The following PNPT1 variants were observed in gnomAD, a reference collection of about 807,000 sequenced individuals.
PNPT1 encodes polyribonucleotide nucleotidyltransferase 1, mitochondrial.
A neutral mutation model predicts 119.5 loss-of-function variants in PNPT1; 53 were observed. The ratio of observed to expected loss-of-function variants is 0.44; its 90% CI spans 0.36 to 0.56. The LOEUF (loss-of-function observed/expected upper bound fraction) is 0.56. PNPT1 is among the 20% of genes least tolerant of loss of function. PNPT1 has a pLI of 0.00. For synonymous variants in PNPT1, 357 were observed against 322.1 expected (o/e 1.11, Z -1.16); for missense variants, 948 against 938.5 (o/e 1.01, Z -0.13).
chr2:55,641,892 A>G (rs2104022893), intron 25 of PNPT1, among the ~76,000 whole-genome samples: 1 of 150,182 alleles, frequency 6.7e-6, no homozygotes, highest in Admixed American at 6.7e-5. Context: ...CCCAGGCTGG[A>G]GTGCAGTGGT....
At chr2:55,642,698 T>C (rs930510088) in intron 25 of PNPT1, among the ~76,000 whole-genome samples, 9 of 149,786 alleles carry the variant, frequency 6.0e-5, no homozygotes, top group Admixed American at 2.7e-4. Context: ...TAAAATGATA[T>C]AGAAAACAAA....
chr2:55,691,944 T>C (rs1351492609), intron 1 of PNPT1, among the ~76,000 whole-genome samples: 1 of 142,446 alleles, frequency 7.0e-6, no homozygotes, highest in African/African-American at 2.6e-5. Context: ...TGGAGTGCAA[T>C]GGCACGATCT....
At chr2:55,639,881 CT>C (rs1007564647) in intron 26 of PNPT1, among the ~76,000 whole-genome samples, 4 of 152,082 alleles carry the variant, frequency 2.6e-5, no homozygotes, top group African/African-American at 9.7e-5. Flanking sequence ...TTCCTACCAC[CT>C]TTTTTAAAAA....
rs531085282 is a variant in PNPT1, at chr2:55,650,640, G to A, written c.1496-3187C>T. Among the ~76,000 whole-genome samples, 58 of 151,470 alleles carry A rather than the reference G, an allele frequency of 3.8e-4. No individual in the cohort carries two copies. In the East Asian group the frequency reaches 0.01, roughly 26 times the overall value. ...AAGTGAGGAGCGTCTCTGCCCGGCC[G>A]CCCATCGTCTGAGATGTGGGGAGCA... On this transcript the variant is annotated intron_variant, in intron 18 of 27. Coordinates refer to ENST00000447944, the MANE Select transcript of PNPT1 (RefSeq NM_033109.5).
intron 13 of PNPT1, among the ~76,000 whole-genome samples, chr2:55,666,434 C>G (rs1298944026): frequency 6.6e-6 from 1 of 152,148 alleles, no homozygotes; most frequent in Non-Finnish European, 1.5e-5. Flanking sequence ...TGTTCATTAT[C>G]TTGCTGGTTT....
rs564904364 is a variant in PNPT1 at position 55,659,371 on chromosome 2, T to C, written c.1284+786A>G. Among the ~76,000 whole-genome samples the C allele has an allele frequency of 7.2e-5, 11 of 152,352 alleles. No individual in the cohort carries two copies. The South Asian group carries it at 2.3e-3, about 32-fold the overall frequency. ...CTCAATTATCTATAATCATCTCATA[T>C]AAAGTAACTTAATACTAAACGTCTC... On this transcript the variant is annotated intron_variant, in intron 15 of 27. Transcript: ENST00000447944.
chr2:55,687,765 A>G (rs190173456), intron 1 of PNPT1, 60 bp from the exon 2 acceptor site: 88 of 1,297,738 alleles, frequency 6.8e-5, no homozygotes, highest in Non-Finnish European at 9.3e-5. Context: ...ATTCCTGCTT[A>G]GTATAAAATA....
At chr2:55,681,592 C>G (rs944000253) in intron 5 of PNPT1, among the ~76,000 whole-genome samples, 1 of 152,176 alleles carries the variant, frequency 6.6e-6, no homozygotes, top group African/African-American at 2.4e-5. Flanking sequence ...CGCCTGTAAT[C>G]TCAACATTTT....
intron 7 of PNPT1, 110 bp from the exon 8 acceptor site, chr2:55,679,905 T>A: frequency 1.4e-6 from 1 of 730,662 alleles, no homozygotes; most frequent in Admixed American, 2.9e-5. Flanking sequence ...CAGAATAAAA[T>A]CCATGTTTCT....
At chr2:55,648,611 A>G (rs13382187) in intron 18 of PNPT1, among the ~76,000 whole-genome samples, 21,439 of 152,090 alleles carry the variant, frequency 0.14, 3,083 homozygotes, top group African/African-American at 0.37. Flanking sequence ...ACCTATTTAT[A>G]TGTCTTATTT....
chr2:55,644,238 C>T (rs1228329831), intron 23 of PNPT1, among the ~76,000 whole-genome samples: 1 of 151,888 alleles, frequency 6.6e-6, no homozygotes, highest in Non-Finnish European at 1.5e-5. Context: ...AACATTGCTT[C>T]AGGAAAAATA....
intron 4 of PNPT1, 104 bp downstream of exon 4, chr2:55,684,839 C>G: frequency 7.7e-7 from 1 of 1,305,696 alleles, no homozygotes; most frequent in East Asian, 2.7e-5. Flanking sequence ...GGTGTTAATG[C>G]TATGAAGGAA....
intron 25 of PNPT1, among the ~76,000 whole-genome samples, chr2:55,641,148 C>T (rs951436612): frequency 1.1e-4 from 16 of 152,014 alleles, no homozygotes; most frequent in African/African-American, 3.1e-4. Flanking sequence ...TGTTTGAACC[C>T]GAAAGGCGGA....
chr2:55,650,218 G>T (rs1034416575), intron 18 of PNPT1, among the ~76,000 whole-genome samples: 2 of 152,094 alleles, frequency 1.3e-5, no homozygotes, highest in African/African-American at 4.8e-5. Flanking sequence ...CTCTGATGCC[G>T]AGCTGAAGCT....
Position 55,656,314 on chromosome 2 carries a change from G to T in PNPT1, c.1342C>A (p.Leu448Ile), listed in dbSNP as rs759076646. 6.2e-7 allele frequency: 1 copy of T among 1,610,290 alleles called. No individual in the cohort carries two copies. The highest frequency in any genetic ancestry group is 1.7e-5 in the Admixed American group (1 of 59,536). Reference protein sequence around the residue: ...GKVTGLNRRELGHGALAEKAL... With the variant: ...GKVTGLNRREIGHGALAEKAL... ...ACAGACCTGTACTTACCATGCCCAAGTTCTCTTCTATTTAAACCAGTGACT... is the reference window on the plus strand; with the variant it reads ...ACAGACCTGTACTTACCATGCCCAATTTCTCTTCTATTTAAACCAGTGACT... Residue 448 changes from leucine (L) to isoleucine (I), a missense_variant, in exon 16 of 28, where the codon CTT becomes ATT. Transcript: ENST00000447944.
intron 7 of PNPT1, among the ~76,000 whole-genome samples, chr2:55,680,077 C>A (rs984749975): frequency 3.3e-5 from 5 of 152,178 alleles, no homozygotes; most frequent in Non-Finnish European, 7.4e-5. Flanking sequence ...AACGCAAATG[C>A]TTAACACTAG....
intron 1 of PNPT1, among the ~76,000 whole-genome samples, chr2:55,689,135 A>T (rs1697513729): frequency 6.6e-6 from 1 of 152,214 alleles, no homozygotes; most frequent in Non-Finnish European, 1.5e-5. Context: ...TTAATTAAGA[A>T]AGTAAAAGAA....
chr2:55,664,005 T>C (rs10172181), intron 13 of PNPT1, among the ~76,000 whole-genome samples: 21,453 of 151,796 alleles, frequency 0.14, 3,096 homozygotes, highest in African/African-American at 0.37. Flanking sequence ...AGAAAACTCA[T>C]AGGATGATAT....
chr2:55,668,757 AC>A (rs1484873469), intron 11 of PNPT1, among the ~76,000 whole-genome samples: 1 of 151,864 alleles, frequency 6.6e-6, no homozygotes, highest in Non-Finnish European at 1.5e-5. Flanking sequence ...GTGCCAACAC[AC>A]CTGGCTAATT....
Sources: allele counts gnomAD v4.1 joint callset (sites outside exome capture counted in the v4.1 genomes callset), GRCh38; gene constraint gnomAD v4.1.1; transcripts MANE v1.5; gene names NCBI Gene and HGNC (gene_info 2026-07-23, HGNC 2026-07-21).